TLR5: variants seen among roughly 807,000 people sequenced by gnomAD.
The protein encoded by TLR5 is toll-like receptor 5.
For missense variants in TLR5, 944 were observed against 999.8 expected (o/e 0.94, Z 0.75); for synonymous variants, 373 against 384.4 (o/e 0.97, Z 0.35).
intron 5 of TLR5, chr1:223,129,273 T>C (rs1336373174): frequency 6.6e-6 from 1 of 152,270 alleles, no homozygotes; most frequent in Non-Finnish European, 1.5e-5. Flanking sequence ...GGGGCCCACA[T>C]AAATGTGCAG....
intron 2 of TLR5, among the ~76,000 whole-genome samples, chr1:223,138,570 T>TA (rs1016303397): frequency 6.6e-6 from 1 of 152,182 alleles, no homozygotes; most frequent in African/African-American, 2.4e-5. Flanking sequence ...CACTTGTACT[T>TA]AAAGTGTGTG....
chr1:223,142,636 C>A (rs778484368), intron 1 of TLR5, among the ~76,000 whole-genome samples: 4 of 152,172 alleles, frequency 2.6e-5, no homozygotes, highest in Non-Finnish European at 4.4e-5. Context: ...TTCCCCCTCT[C>A]AACATAAAGG....
chr1:223,138,700 G>C (rs1657716450), intron 2 of TLR5, among the ~76,000 whole-genome samples: 1 of 152,174 alleles, frequency 6.6e-6, no homozygotes, highest in Non-Finnish European at 1.5e-5. Flanking sequence ...GTAGTACTCA[G>C]AGACATATAA....
At chr1:223,130,302 TC>T (rs1364814464) in intron 5 of TLR5, among the ~76,000 whole-genome samples, 1 of 152,222 alleles carries the variant, frequency 6.6e-6, no homozygotes, top group East Asian at 1.9e-4. Flanking sequence ...CCCACCTGTG[TC>T]CCTTTTTGTG....
chr1:223,125,474 T>C (rs1038909575), intron 5 of TLR5, among the ~76,000 whole-genome samples: 4 of 152,184 alleles, frequency 2.6e-5, no homozygotes, highest in Admixed American at 6.5e-5. Flanking sequence ...TCATGTTTCA[T>C]TGAAAGACTT....
In TLR5 at chr1:223,131,106, C is replaced by A. The variant is rs1657379893; in HGVS notation, c.-5+1369G>T. Among the ~76,000 whole-genome samples the A allele has an allele frequency of 6.6e-6, 1 of 152,166 alleles. No individual in the cohort carries two copies. The highest frequency in any genetic ancestry group is 6.5e-5 in the Admixed American group (1 of 15,282). On this transcript the variant is annotated intron_variant, in intron 5 of 5. Transcript: ENST00000642603. The surrounding 1 kb of genome is among the most constrained non-coding windows in gnomAD (Gnocchi z 4.2). ...TCCCATAGTAAGCCTGACCCTGACA[C>A]ACACACCCCTCACTTACTATCTGAG...
chr1:223,117,788 GGGGT>G (rs1656752761), intron 5 of TLR5, among the ~76,000 whole-genome samples: 3 of 152,124 alleles, frequency 2.0e-5, no homozygotes, highest in African/African-American at 7.2e-5. Context: ...CACAGTGATA[GGGGT>G]GGGTATCACC....
chr1:223,119,668 CA>C (rs1484891252), intron 5 of TLR5, among the ~76,000 whole-genome samples: 2 of 151,726 alleles, frequency 1.3e-5, no homozygotes, highest in Admixed American at 1.3e-4. Context: ...AATAAGATAC[CA>C]ACACAACAGG....
In TLR5 at chr1:223,110,651, G is replaced by C. The variant is rs1294043162; in HGVS notation, c.2381C>G (p.Ser794Cys). 6.2e-7 allele frequency: 1 copy of C among 1,613,982 alleles called. No homozygotes were observed. The highest frequency in any genetic ancestry group is 1.3e-5 in the African/African-American group (1 of 74,912). The change falls in exon 6 of 6, where the codon TCC becomes TGC. Residue 794 changes from serine (S) to cysteine (C), a missense_variant. Ser to Cys is a moderately radical substitution (Grantham distance 112). Transcript: ENST00000642603. ...NSALIMVVVG[S>C]LSQYQLMKHQ... is the part of the protein sequence containing the mutation. ...TTTCATCAACTGGTACTGGGACAAG[G>C]ACCCAACCACCACCATGATGAGAGC...
At chr1:223,128,616 GA>G (rs1482232812) in intron 5 of TLR5, 1 of 151,756 alleles carries the variant, frequency 6.6e-6, no homozygotes, top group African/African-American at 2.4e-5. Flanking sequence ...GAACTAAATT[GA>G]AAGGAAAATC....
chr1:223,131,967 T>C lies in TLR5; in HGVS notation c.-5+508A>G, dbSNP rs890245126. On this transcript the variant is annotated intron_variant, in intron 5 of 5. Transcript: ENST00000642603. The surrounding 1 kb of genome is among the most constrained non-coding windows in gnomAD (Gnocchi z 4.2). ...ATTATATTATGCCTTCTCCACTAGA[T>C]TGTAAGTCTTGAGGGGCAGGCACTC... is the stretch of plus-strand genomic sequence containing the variant. Among the ~76,000 whole-genome samples, 2 of 152,038 alleles carry C rather than the reference T, an allele frequency of 1.3e-5. No homozygotes were observed. The highest frequency in any genetic ancestry group is 4.8e-5 in the African/African-American group (2 of 41,398).
At chr1:223,137,982 C>G (rs1188043589) in intron 2 of TLR5, among the ~76,000 whole-genome samples, 2 of 27,242 alleles carry the variant, frequency 7.3e-5, no homozygotes, top group Admixed American at 9.6e-4. Context: ...TTTTTGAGAC[C>G]AGGTCTCACT....
intron 5 of TLR5, chr1:223,123,964 C>T: frequency 6.6e-6 from 1 of 152,362 alleles, no homozygotes; most frequent in Non-Finnish European, 1.5e-5. Context: ...GCTGCTCACT[C>T]ATTGTTAAAA....
intron 5 of TLR5, among the ~76,000 whole-genome samples, chr1:223,130,563 C>T (rs1436151702): frequency 6.6e-6 from 1 of 152,194 alleles, no homozygotes; most frequent in Admixed American, 6.5e-5. Context: ...TTCAGAACAG[C>T]CCCACGTCAC....
At chr1:223,117,041 C>T (rs1045652060) in intron 5 of TLR5, among the ~76,000 whole-genome samples, 9 of 152,138 alleles carry the variant, frequency 5.9e-5, no homozygotes, top group Admixed American at 4.6e-4. Context: ...GGCTTGGCCG[C>T]GTGAGAGCCC....
At position 223,112,336 on chromosome 1, in the gene TLR5, A is replaced by G. The variant is rs1381701018; in HGVS notation, c.696T>C (p.Asp232=). 2 of 1,614,188 alleles carry G rather than the reference A, an allele frequency of 1.2e-6. No individual in the cohort carries two copies. Among genetic ancestry groups the G allele is most frequent in the South Asian group, 2.2e-5 (2 of 91,080 alleles). Residue 232 remains aspartate, a synonymous_variant, in exon 6 of 6, where the codon GAT becomes GAC. Transcript: ENST00000642603. ...CCACTGTCCAGCCATTTCCAGAAAC[A>G]TCTAGTATCTCCAGCACCATGTTTC... ...PFRNMVLEIL[D]VSGNGWTVDI...
chr1:223,116,069 T>C (rs769133105), intron 5 of TLR5, among the ~76,000 whole-genome samples: 1 of 152,228 alleles, frequency 6.6e-6, no homozygotes, highest in Non-Finnish European at 1.5e-5. Context: ...TTGAAATAAA[T>C]CCCCTGCCGT....
chr1:223,118,826 G>A (rs559540968), intron 5 of TLR5, among the ~76,000 whole-genome samples: 6 of 151,598 alleles, frequency 4.0e-5, no homozygotes, highest in Non-Finnish European at 7.4e-5. Context: ...CAGATGGGCC[G>A]GGCACGGTGG....
intron 1 of TLR5, among the ~76,000 whole-genome samples, chr1:223,142,420 C>T (rs1028138671): frequency 1.3e-5 from 2 of 152,224 alleles, no homozygotes; most frequent in Non-Finnish European, 2.9e-5. Flanking sequence ...CGCTCTCCCT[C>T]CTCCGGGAGA....
Sources: gnomAD v4.1 joint callset for allele counts (sites outside exome capture counted in the v4.1 genomes callset) on GRCh38, gnomAD v4.1.1 for gene constraint, Gnocchi (gnomAD v3.1) non-coding constraint, MANE v1.5 for transcripts, NCBI Gene and HGNC (gene_info 2026-07-23, HGNC 2026-07-21) for gene names.